Variants in MARCHF5 observed in about 807,000 individuals in gnomAD.
The protein encoded by MARCHF5 is E3 ubiquitin-protein ligase MARCHF5.
MARCHF5 carries 5 observed loss-of-function variants against 36.5 expected under a neutral mutation model. The ratio of observed to expected loss-of-function variants is 0.14; its 90% CI spans 0.07 to 0.29. The LOEUF (loss-of-function observed/expected upper bound fraction) is 0.29. Among genes scored for constraint, MARCHF5 ranks in the 10% least tolerant of loss-of-function variants. MARCHF5 has a pLI of 1.00. For synonymous variants in MARCHF5, 103 were observed against 109.9 expected, an observed-to-expected ratio of 0.94 and a Z score of 0.39; for missense variants, 179 against 336.3, an observed-to-expected ratio of 0.53 and a Z score of 3.66.
Position 92,291,452 on chromosome 10 carries a change from G to GCGGGT in MARCHF5, c.-41_-37dup. 6.7e-7 allele frequency: 1 copy of GCGGGT among 1,503,312 alleles called. No homozygotes were observed. Among genetic ancestry groups the GCGGGT allele is most frequent in the South Asian group, 1.2e-5 (1 of 83,108 alleles). The allele number at this position is 1,503,312 out of a possible 1,614,324, so 93.1% of individuals were successfully genotyped here. On this transcript the variant is annotated 5_prime_UTR_variant, in exon 1 of 6. Coordinates refer to ENST00000358935, the MANE Select transcript of MARCHF5 (RefSeq NM_017824.5). The stretch of plus-strand genomic sequence containing the variant: ...CTATTGTCCCTGGGCCTGGCCTTGA[G>GCGGGT]CGGGTCCACTGGGGAAGGCCGTGTG...
At position 92,311,298 on chromosome 10, in the gene MARCHF5, C is replaced by T. The variant is rs1395668431; in HGVS notation, c.199C>T (p.Gln67Ter). The T allele has an allele frequency of 6.2e-7, 1 of 1,607,888 alleles. No homozygotes were observed. Among genetic ancestry groups the T allele is most frequent in the Admixed American group, 1.7e-5 (1 of 59,334 alleles). The stretch of plus-strand genomic sequence containing the variant: ...CAGTACAGCCAGAGTGGCATGTCCT[C>T]AGTGCAATGCTGAATACCTAATAGT... Reference protein sequence around the residue: ...GNSTARVACPQCNAEYLIVFP... With the variant: ...GNSTARVACP Residue 67 changes from glutamine to a stop codon, truncating the protein, a stop_gained, in exon 2 of 6, where the codon CAG (glutamine) becomes TAG (stop). Coordinates refer to ENST00000358935, the MANE Select transcript of MARCHF5 (RefSeq NM_017824.5). LOFTEE classifies it high-confidence loss of function.
At chr10:92,319,441 G>A (rs1208547145) in intron 2 of MARCHF5, among the ~76,000 whole-genome samples, 43 of 148,580 alleles carry the variant, frequency 2.9e-4, no homozygotes, top group African/African-American at 9.7e-4. Context: ...GACTACAGGC[G>A]CACGCCACCA....
At chr10:92,303,938 C>T (rs1368315520) in intron 1 of MARCHF5, among the ~76,000 whole-genome samples, 2 of 152,230 alleles carry the variant, frequency 1.3e-5, no homozygotes, top group Non-Finnish European at 2.9e-5. Flanking sequence ...CCCAGATCTC[C>T]TTTTGCTTTG....
At chr10:92,332,294 T>C (rs1411723406) in intron 2 of MARCHF5, among the ~76,000 whole-genome samples, 5 of 152,172 alleles carry the variant, frequency 3.3e-5, no homozygotes, top group Non-Finnish European at 7.4e-5. Context: ...CCTTTTGTTA[T>C]TAAGCAAAGT....
In MARCHF5 at chr10:92,308,233, G is replaced by T. The variant is rs139576062; in HGVS notation, c.36-2902G>T. ...TGGGATTATAGGCATGAGCCACCGC[G>T]CCCAGCCTATGCTTCCCCTTTCTAG... On this transcript the variant is annotated intron_variant, in intron 1 of 5. Coordinates refer to ENST00000358935, the MANE Select transcript of MARCHF5 (RefSeq NM_017824.5). Among the ~76,000 whole-genome samples the T allele has an allele frequency of 7.6e-4, 116 of 152,040 alleles. 2 individuals are homozygous for T. The East Asian group carries it at 0.022, about 28-fold the overall frequency.
chr10:92,302,351 C>A (rs1843025443), intron 1 of MARCHF5, among the ~76,000 whole-genome samples: 1 of 152,164 alleles, frequency 6.6e-6, no homozygotes, highest in Non-Finnish European at 1.5e-5. Flanking sequence ...TATTAGTCTC[C>A]CTAATAGTGT....
At chr10:92,319,017 G>A (rs767508773) in intron 2 of MARCHF5, among the ~76,000 whole-genome samples, 8 of 151,980 alleles carry the variant, frequency 5.3e-5, no homozygotes, top group East Asian at 2.0e-4. Context: ...ACTTTTCACC[G>A]TTAACTATAG....
intron 1 of MARCHF5, among the ~76,000 whole-genome samples, chr10:92,302,509 A>C (rs1211827594): frequency 6.7e-6 from 1 of 148,390 alleles, no homozygotes; most frequent in Non-Finnish European, 1.5e-5. Context: ...CAATGGCACG[A>C]TCTCGGCTCA....
chr10:92,307,256 C>G (rs921233472), intron 1 of MARCHF5, among the ~76,000 whole-genome samples: 1 of 149,332 alleles, frequency 6.7e-6, no homozygotes, highest in Non-Finnish European at 1.5e-5. Context: ...TTTTTTTAGC[C>G]CTTAAGACTA....
intron 2 of MARCHF5, among the ~76,000 whole-genome samples, chr10:92,329,184 A>G (rs1426479641): frequency 6.6e-6 from 1 of 152,144 alleles, no homozygotes; most frequent in Non-Finnish European, 1.5e-5. Context: ...GGTATTGCCA[A>G]ATTTCCTGCC....
rs1037004663 is a variant in MARCHF5, at chr10:92,352,279, A to G, written c.*1072A>G. The G allele has an allele frequency of 1.2e-4, 19 of 152,278 alleles. 1 individual carries two copies. Among genetic ancestry groups the G allele is most frequent in the Admixed American group, 2.0e-4 (3 of 15,260 alleles). The allele number at this position is 152,278 out of a possible 1,614,324, so 9.4% of individuals were successfully genotyped here. ...GAGGCCTTGAGCTCTTTGTTTTTAT[A>G]TTAATGAGGAGAAAAGTATGAAAAC... On this transcript the variant is annotated 3_prime_UTR_variant, in exon 6 of 6. Coordinates refer to ENST00000358935, the MANE Select transcript of MARCHF5 (RefSeq NM_017824.5).
intron 1 of MARCHF5, among the ~76,000 whole-genome samples, chr10:92,308,131 C>T (rs561286675): frequency 3.9e-5 from 6 of 151,936 alleles, no homozygotes; most frequent in African/African-American, 1.2e-4. Context: ...TTAGTAGAGA[C>T]GGAGTTTCAC....
In MARCHF5 at chr10:92,311,305, A is replaced by G. The variant is rs1843141563; in HGVS notation, c.206A>G (p.Asn69Ser). 1.2e-6 allele frequency: 2 copies of G among 1,604,174 alleles called. No individual in the cohort carries two copies. Among genetic ancestry groups the G allele is most frequent in the Non-Finnish European group, 1.7e-6 (2 of 1,174,618 alleles). The change falls in exon 2 of 6, where the codon AAT becomes AGT. Residue 69 changes from asparagine to serine, a missense_variant. Physicochemically the swap from Asn to Ser is conservative, Grantham distance 46 (BLOSUM62 1). Coordinates refer to ENST00000358935, the MANE Select transcript of MARCHF5 (RefSeq NM_017824.5). Reference sequence around the variant, plus strand: ...GCCAGAGTGGCATGTCCTCAGTGCAATGCTGAATACCTAATAGTTTTTCCA... The same window carrying G: ...GCCAGAGTGGCATGTCCTCAGTGCAGTGCTGAATACCTAATAGTTTTTCCA... ...STARVACPQCNAEYLIVFPKL... is the reference protein window; with the variant it reads ...STARVACPQCSAEYLIVFPKL...
chr10:92,309,627 A>T (rs1057169854), intron 1 of MARCHF5, among the ~76,000 whole-genome samples: 1 of 152,204 alleles, frequency 6.6e-6, no homozygotes, highest in Non-Finnish European at 1.5e-5. Flanking sequence ...GGAAAAATAT[A>T]TACTAACAAC....
chr10:92,342,574 A>G (rs1843592999), intron 3 of MARCHF5, among the ~76,000 whole-genome samples: 2 of 152,094 alleles, frequency 1.3e-5, no homozygotes, highest in South Asian at 4.1e-4. Flanking sequence ...TTGTCACTTC[A>G]TCATACCTGG....
intron 1 of MARCHF5, 51 bp downstream of exon 1, chr10:92,291,580 CT>C (rs1283277835): frequency 2.7e-6 from 4 of 1,485,690 alleles, no homozygotes; most frequent in Non-Finnish European, 3.6e-6. Flanking sequence ...CGCTCTGGCC[CT>C]GCCCGCGCCC....
At chr10:92,339,980 A>T (rs1843558346) in intron 2 of MARCHF5, among the ~76,000 whole-genome samples, 1 of 152,244 alleles carries the variant, frequency 6.6e-6, no homozygotes. Context: ...TAAATACAGC[A>T]TATTGAAAAT....
intron 2 of MARCHF5, among the ~76,000 whole-genome samples, chr10:92,333,781 A>G (rs1843467956): frequency 6.6e-6 from 1 of 152,196 alleles, no homozygotes. Flanking sequence ...CCAGACATGT[A>G]GCAAAAAGAC....
chr10:92,317,037 A>T (rs1305966582), intron 2 of MARCHF5, among the ~76,000 whole-genome samples: 2 of 152,168 alleles, frequency 1.3e-5, no homozygotes, highest in Non-Finnish European at 2.9e-5. Context: ...AAGAATTCAG[A>T]GGAGAGCATC....
Sources: allele counts gnomAD v4.1 joint callset (sites outside exome capture counted in the v4.1 genomes callset), GRCh38; gene constraint gnomAD v4.1.1; transcripts MANE v1.5; gene names NCBI Gene and HGNC (gene_info 2026-07-23, HGNC 2026-07-21).